Variants in PTPN2 observed in about 807,000 individuals in gnomAD.
The protein encoded by PTPN2 is tyrosine-protein phosphatase non-receptor type 2.
PTPN2 carries 19 observed loss-of-function variants against 57.3 expected under a neutral mutation model. The ratio of observed to expected loss-of-function variants is 0.33; its 90% confidence interval spans 0.23 to 0.49. The LOEUF is 0.49. Among genes scored for constraint, PTPN2 ranks in the 20% least tolerant of loss-of-function variants. PTPN2 has a pLI of 0.99. For missense variants in PTPN2, 358 were observed against 501.1 expected, an observed-to-expected ratio of 0.71 and a Z score of 2.73; for synonymous variants, 153 against 164.9, an observed-to-expected ratio of 0.93 and a Z score of 0.55.
chr18:12,846,177 CTCATGACTGG>C (rs2043199988), intron 2 of PTPN2, among the ~76,000 whole-genome samples: 1 of 152,194 alleles, frequency 6.6e-6, no homozygotes, highest in South Asian at 2.1e-4. Context: ...CATGGTATAT[CTCATGACTGG>C]TCATGACCAC....
chr18:12,798,828 A>C (rs1326767229), intron 8 of PTPN2, among the ~76,000 whole-genome samples: 1 of 152,194 alleles, frequency 6.6e-6, no homozygotes, highest in Non-Finnish European at 1.5e-5. Context: ...TTGAGGAATC[A>C]CCACACTGTC....
chr18:12,881,094 A>G (rs116512717), intron 1 of PTPN2, among the ~76,000 whole-genome samples: 2,597 of 152,268 alleles, frequency 0.017, 95 homozygotes, highest in African/African-American at 0.059. Context: ...GCGTGCCTAC[A>G]CTTTCCTCAT....
At chr18:12,884,027 G>A (rs1310995449) in intron 1 of PTPN2, 46 bp downstream of exon 1, 3 of 1,508,816 alleles carry the variant, frequency 2.0e-6, no homozygotes, top group African/African-American at 1.4e-5. Flanking sequence ...GCACGAGTCC[G>A]GGTCTCGGAG....
intron 1 of PTPN2, among the ~76,000 whole-genome samples, chr18:12,873,239 C>A (rs114277018): frequency 0.035 from 5,233 of 150,312 alleles, 325 homozygotes; most frequent in African/African-American, 0.12. Flanking sequence ...AAAAAAAAAG[C>A]CTCTCCCTCT....
At chr18:12,814,464 A>C in intron 6 of PTPN2, 109 bp from the exon 7 acceptor site, 1 of 909,360 alleles carries the variant, frequency 1.1e-6, no homozygotes. Flanking sequence ...CCTCTGAAAG[A>C]ACAACGATAA....
chr18:12,863,424 A>C (rs763456637), intron 1 of PTPN2: 1 of 151,758 alleles, frequency 6.6e-6, no homozygotes, highest in Non-Finnish European at 1.5e-5. Flanking sequence ...CTGCTACTGC[A>C]CTCTAGCCTG....
At chr18:12,815,494 G>A (rs1029383223) in intron 6 of PTPN2, among the ~76,000 whole-genome samples, 1 of 152,032 alleles carries the variant, frequency 6.6e-6, no homozygotes, top group African/African-American at 2.4e-5. Context: ...CCAGATCCAC[G>A]ATAACACTGC....
At chr18:12,859,034 C>T in intron 2 of PTPN2, 130 bp downstream of exon 2, 3 of 552,510 alleles carry the variant, frequency 5.4e-6, no homozygotes, top group Admixed American at 3.7e-5. Flanking sequence ...TCTTAAAGAA[C>T]GTGTCTTACG....
In PTPN2 at chr18:12,820,387, G is replaced by A. The variant is rs543014192; in HGVS notation, c.496-3022C>T. On this transcript the variant is annotated intron_variant, in intron 5 of 8. Coordinates refer to ENST00000309660, the MANE Select transcript of PTPN2 (RefSeq NM_002828.4). ...TCACAGTTACAAAGGACCACACGAAGGCATAAGATGCATATATTTACTACT... is the reference window on the plus strand; with the variant it reads ...TCACAGTTACAAAGGACCACACGAAAGCATAAGATGCATATATTTACTACT... 6.8e-4 allele frequency among the ~76,000 whole-genome samples: 104 copies of A among 151,984 alleles called. 1 individual carries two copies. Among genetic ancestry groups the A allele is most frequent in the African/African-American group, 2.5e-3 (102 of 41,436 alleles).
rs775240072 is a variant in PTPN2, at chr18:12,794,418, G to T, written c.1108C>A (p.Gln370Lys). The part of the protein sequence containing the change: ...TTAQKVQQMK[Q>K]RLNENERKRK... Reference sequence around the variant, plus strand: ...TTTCGTTCATTCTCATTTAGCCTCTGTTTCATCTGCTGCACCTTCTGAGCT... The same window carrying T: ...TTTCGTTCATTCTCATTTAGCCTCTTTTTCATCTGCTGCACCTTCTGAGCT... The change falls in exon 9 of 9, where the codon CAG becomes AAG. Residue 370 changes from glutamine (Q) to lysine (K), a missense_variant. This residue lies in a region of PTPN2 where 96 missense variants were observed against 110.8 expected (regional missense o/e 0.87). Coordinates refer to ENST00000309660, the MANE Select transcript of PTPN2 (RefSeq NM_002828.4). The T allele has an allele frequency of 6.2e-7, 1 of 1,614,090 alleles. No individual in the cohort carries two copies. Among genetic ancestry groups the T allele is most frequent in the South Asian group, 1.1e-5 (1 of 91,066 alleles).
intron 1 of PTPN2, among the ~76,000 whole-genome samples, chr18:12,880,332 G>A (rs1423759964): frequency 6.6e-6 from 1 of 152,202 alleles, no homozygotes; most frequent in Non-Finnish European, 1.5e-5. Context: ...GGTCTTGTGA[G>A]CCGGAGGAGG....
chr18:12,822,964 A>G (rs1336491286), intron 5 of PTPN2, among the ~76,000 whole-genome samples: 1 of 152,212 alleles, frequency 6.6e-6, no homozygotes, highest in African/African-American at 2.4e-5. Flanking sequence ...TAAAACAGGT[A>G]CTGTTTATCA....
chr18:12,838,282 G>T (rs112856107), intron 2 of PTPN2, among the ~76,000 whole-genome samples: 1 of 152,076 alleles, frequency 6.6e-6, no homozygotes, highest in Non-Finnish European at 1.5e-5. Flanking sequence ...GCTAACATGC[G>T]GTAGGAATCC....
Sources: allele counts gnomAD v4.1 joint callset (sites outside exome capture counted in the v4.1 genomes callset), GRCh38; gene constraint gnomAD v4.1.1; regional missense constraint gnomAD v4.1.1; transcripts MANE v1.5; gene names NCBI Gene and HGNC (gene_info 2026-07-23, HGNC 2026-07-21).